CRYZL1: variants seen among roughly 807,000 people sequenced by gnomAD.
CRYZL1 encodes the protein ferry endosomal RAB5 effector complex subunit 4.
In CRYZL1, 34 loss-of-function variants were observed where a neutral mutation model predicts 50.6. That is an observed-to-expected ratio of 0.67 (90% CI 0.51 to 0.89). The LOEUF (loss-of-function observed/expected upper bound fraction) is 0.89, where lower values mean the gene tolerates loss of function less well. Among genes scored for constraint, CRYZL1 ranks in the 40% least tolerant of loss-of-function variants. The probability of loss-of-function intolerance (pLI) is 0.00; values close to 1 mark genes in which losing one functional copy is unlikely to be tolerated. For missense variants in CRYZL1, 354 were observed against 402.3 expected (o/e 0.88, Z 1.03); for synonymous variants, 125 against 134.3 (o/e 0.93, Z 0.48).
chr21:33,607,971 A>G (rs1400166639), intron 6 of CRYZL1, among the ~76,000 whole-genome samples: 1 of 152,188 alleles, frequency 6.6e-6, no homozygotes, highest in Non-Finnish European at 1.5e-5. Flanking sequence ...TTTATGGGGC[A>G]CAAAATGATG....
chr21:33,630,966 C>T (rs2087130907), intron 2 of CRYZL1, among the ~76,000 whole-genome samples: 1 of 152,052 alleles, frequency 6.6e-6, no homozygotes, highest in Non-Finnish European at 1.5e-5. Flanking sequence ...CGTAGAGAGT[C>T]CAATAATGGT....
intron 11 of CRYZL1, among the ~76,000 whole-genome samples, chr21:33,592,871 G>A (rs2086657472): frequency 1.3e-5 from 2 of 151,974 alleles, no homozygotes; most frequent in African/African-American, 2.4e-5. Flanking sequence ...GACCAATATG[G>A]TGAAATCCTG....
rs184332238 is a variant in CRYZL1, at chr21:33,610,258, C to T, written c.331+3280G>A. Among the ~76,000 whole-genome samples the T allele has an allele frequency of 2.3e-3, 352 of 152,168 alleles. 1 individual carries two copies. The highest frequency in any genetic ancestry group is 8.1e-3 in the African/African-American group (335 of 41,522). ...TTGGCTCACCTCTGTCTCCTGGGTTCAAGCGAGTCTCGTGCCTCATCCTCT... is the reference window on the plus strand; with the variant it reads ...TTGGCTCACCTCTGTCTCCTGGGTTTAAGCGAGTCTCGTGCCTCATCCTCT... On this transcript the variant is annotated intron_variant, in intron 6 of 12. Transcript: ENST00000381554.
intron 1 of CRYZL1, among the ~76,000 whole-genome samples, chr21:33,639,520 A>T (rs756281117): frequency 4.6e-4 from 70 of 152,158 alleles, no homozygotes; most frequent in Non-Finnish European, 7.3e-4. Flanking sequence ...TGATGAGAAT[A>T]ACTAATTGAG....
chr21:33,616,776 T>G, intron 4 of CRYZL1, 26 bp from the exon 5 acceptor site: 1 of 1,543,012 alleles, frequency 6.5e-7, no homozygotes, highest in East Asian at 2.3e-5. Context: ...AATTAATAGT[T>G]AATATTACAA....
intron 3 of CRYZL1, among the ~76,000 whole-genome samples, chr21:33,623,795 C>G (rs1433521418): frequency 6.6e-6 from 1 of 152,090 alleles, no homozygotes; most frequent in Non-Finnish European, 1.5e-5. Context: ...GTAAATGGAC[C>G]TGCTCAATTT....
chr21:33,621,349 A>AT (rs1269453875), intron 4 of CRYZL1, among the ~76,000 whole-genome samples: 19 of 148,022 alleles, frequency 1.3e-4, no homozygotes, highest in African/African-American at 2.7e-4. Flanking sequence ...AAATTAATAG[A>AT]TTTTTTTTTG....
At chr21:33,591,687 C>T (rs10460711) in intron 11 of CRYZL1, 13,355 of 156,306 alleles carry the variant, frequency 0.085, 820 homozygotes, top group East Asian at 0.25. Context: ...TCATCCCTCA[C>T]GCATCCATGA....
intron 6 of CRYZL1, among the ~76,000 whole-genome samples, chr21:33,604,648 T>C (rs1387039014): frequency 6.6e-6 from 1 of 152,234 alleles, no homozygotes; most frequent in Non-Finnish European, 1.5e-5. Context: ...TTTTAAGGCA[T>C]CCATTCTGTG....
Position 33,641,290 on chromosome 21 carries a change from A to G in CRYZL1, c.-7+391T>C, listed in dbSNP as rs1463448270. The stretch of plus-strand genomic sequence containing the variant: ...GCTTTCCGAAAACAGCAAAGTGATG[A>G]GGAAGAAAGAAGTGGCTGAGAAGAA... On this transcript the variant is annotated intron_variant, in intron 1 of 12. Coordinates refer to ENST00000381554, the MANE Select transcript of CRYZL1 (RefSeq NM_145858.3). 3 of 1,549,892 alleles carry G rather than the reference A, an allele frequency of 1.9e-6. No individual in the cohort carries two copies. The South Asian group carries it at 3.6e-5, about 18-fold the overall frequency.
At chr21:33,599,378 C>T in intron 8 of CRYZL1, 130 bp from the exon 9 acceptor site, 1 of 1,265,588 alleles carries the variant, frequency 7.9e-7, no homozygotes, top group Non-Finnish European at 1.1e-6. Flanking sequence ...CAAACAATTA[C>T]TGAATTTAAA....
At chr21:33,592,327 G>A (rs1005437604) in intron 11 of CRYZL1, among the ~76,000 whole-genome samples, 1 of 151,762 alleles carries the variant, frequency 6.6e-6, no homozygotes, top group Admixed American at 6.6e-5. Context: ...TGTATAGACA[G>A]GGTCTCCCTA....
chr21:33,614,845 C>T (rs1241581062), intron 5 of CRYZL1, among the ~76,000 whole-genome samples: 3 of 152,156 alleles, frequency 2.0e-5, no homozygotes, highest in Non-Finnish European at 2.9e-5. Flanking sequence ...GCTGGGATTA[C>T]AGGTGTGAGC....
intron 11 of CRYZL1, among the ~76,000 whole-genome samples, chr21:33,592,143 C>CTTTT: frequency 7.7e-6 from 1 of 129,456 alleles, no homozygotes; most frequent in Non-Finnish European, 1.7e-5. Context: ...TTTTTCAGAG[C>CTTTT]TTTTTTTTTT....
intron 1 of CRYZL1, among the ~76,000 whole-genome samples, chr21:33,633,066 T>G (rs2087160111): frequency 6.6e-6 from 1 of 152,220 alleles, no homozygotes; most frequent in Non-Finnish European, 1.5e-5. Flanking sequence ...GTAGTTGTAT[T>G]CCATTCATTC....
At chr21:33,640,262 C>T in intron 1 of CRYZL1, 3 of 1,533,496 alleles carry the variant, frequency 2.0e-6, no homozygotes, top group Non-Finnish European at 2.6e-6. Context: ...GTATGGCGAA[C>T]TACCTCACTT....
intron 11 of CRYZL1, 115 bp from the exon 12 acceptor site, chr21:33,591,322 A>C: frequency 1.3e-6 from 1 of 786,264 alleles, no homozygotes; most frequent in South Asian, 1.4e-5. Flanking sequence ...GCACTCTCAG[A>C]GACTCAACAT....
intron 8 of CRYZL1, among the ~76,000 whole-genome samples, chr21:33,600,963 C>T (rs1206990814): frequency 3.2e-5 from 1 of 30,804 alleles, no homozygotes; most frequent in Non-Finnish European, 5.6e-5. Flanking sequence ...TGGGGGCGGA[C>T]TGTCGCTCTG....
intron 6 of CRYZL1, among the ~76,000 whole-genome samples, chr21:33,608,510 C>A (rs1382364321): frequency 6.6e-6 from 1 of 152,106 alleles, no homozygotes; most frequent in Non-Finnish European, 1.5e-5. Context: ...AGATTTTATA[C>A]CCTTTGTCCA....
Sources: allele counts gnomAD v4.1 joint callset (sites outside exome capture counted in the v4.1 genomes callset), GRCh38; gene constraint gnomAD v4.1.1; transcripts MANE v1.5; gene names NCBI Gene and HGNC (gene_info 2026-07-23, HGNC 2026-07-21).